Variants in JAKMIP3 observed in about 807,000 individuals in gnomAD.
JAKMIP3 encodes janus kinase and microtubule-interacting protein 3.
JAKMIP3 carries 58 observed loss-of-function variants against 118.5 expected under a neutral mutation model. The ratio of observed to expected loss-of-function variants is 0.49; its 90% CI spans 0.40 to 0.61. JAKMIP3 has a LOEUF of 0.61. Ranked by LOEUF, JAKMIP3 falls within the 20% of genes least tolerant of loss-of-function variation. JAKMIP3 has a pLI of 0.00. For missense variants in JAKMIP3, 950 were observed against 1,109.0 expected (o/e 0.86, Z 2.04); for synonymous variants, 486 against 451.2 (o/e 1.08, Z -0.98).
chr10:132,108,793 A>G (rs1004111446), intron 2 of JAKMIP3, among the ~76,000 whole-genome samples: 2 of 151,880 alleles, frequency 1.3e-5, no homozygotes, highest in African/African-American at 4.8e-5. Context: ...GCTTCAGCCC[A>G]GGAATTCGAG....
chr10:132,176,811 G>A (rs144084611), intron 23 of JAKMIP3, among the ~76,000 whole-genome samples: 3 of 151,816 alleles, frequency 2.0e-5, no homozygotes, highest in East Asian at 3.9e-4. Flanking sequence ...TGCTTGTTAC[G>A]AGTGCTGCTT....
Position 132,049,620 on chromosome 10 carries a change from T to A in JAKMIP3, c.-138+12882T>A, listed in dbSNP as rs761078297. 2.0e-5 allele frequency among the ~76,000 whole-genome samples: 3 copies of A among 152,060 alleles called. No homozygotes were observed. Among genetic ancestry groups the A allele is most frequent in the Non-Finnish European group, 4.4e-5 (3 of 68,022 alleles). On this transcript the variant is annotated intron_variant, in intron 1 of 23. Transcript: ENST00000657785. The surrounding 1 kb of genome is among the most constrained non-coding windows in gnomAD (Gnocchi z 4.3). ...TGCTGTTTGCGTGTGCCCGGTTCTG[T>A]TTGGATGTACAGGTTTCTTCTGCCT...
chr10:132,113,583 T>C (rs7906354), intron 2 of JAKMIP3, among the ~76,000 whole-genome samples: 30,215 of 152,238 alleles, frequency 0.2, 3,176 homozygotes, highest in East Asian at 0.29. Context: ...TGTTTGCTAA[T>C]AGAGGAATTC....
chr10:132,158,375 C>T lies in JAKMIP3; in HGVS notation c.2220+4385C>T, dbSNP rs553876524. 1.1e-4 allele frequency among the ~76,000 whole-genome samples: 17 copies of T among 152,280 alleles called. No homozygotes were observed. The East Asian group carries it at 3.1e-3, about 28-fold the overall frequency. On this transcript the variant is annotated intron_variant, in intron 19 of 23. Transcript: ENST00000684848. The stretch of plus-strand genomic sequence containing the variant: ...GTGATCAAACATCCCATGGACACCC[C>T]ATGGGATTAGAGATGTAGGTCTCCA...
Position 132,049,147 on chromosome 10 carries a change from A to C in JAKMIP3, c.-138+12409A>C, listed in dbSNP as rs2038026307. 6.6e-6 allele frequency among the ~76,000 whole-genome samples: 1 copy of C among 152,112 alleles called. No homozygotes were observed. The highest frequency in any genetic ancestry group is 2.4e-5 in the African/African-American group (1 of 41,410). Reference sequence around the variant, plus strand: ...TTTAGCTCTGAAATGGAATAGTTTCACCAGCATGTCTCAAAGTTGGTGGTC... The same window carrying C: ...TTTAGCTCTGAAATGGAATAGTTTCCCCAGCATGTCTCAAAGTTGGTGGTC... On this transcript the variant is annotated intron_variant, in intron 1 of 23. Coordinates refer to the JAKMIP3 transcript ENST00000657785. The surrounding 1 kb of genome is among the most constrained non-coding windows in gnomAD (Gnocchi z 4.3).
At chr10:132,077,733 C>G (rs4465303) in intron 1 of JAKMIP3, among the ~76,000 whole-genome samples, 117,419 of 152,132 alleles carry the variant, frequency 0.77, 46,643 homozygotes, top group East Asian at 1. Flanking sequence ...TCACTGCAAC[C>G]TCCACCTCCT....
intron 1 of JAKMIP3, among the ~76,000 whole-genome samples, chr10:132,040,476 A>G (rs941845495): frequency 1.3e-5 from 2 of 152,184 alleles, no homozygotes; most frequent in Non-Finnish European, 1.5e-5. Context: ...CCCCAGCCAC[A>G]CACAGAGTTT....
chr10:132,135,824 G>T, intron 5 of JAKMIP3, 106 bp from the exon 6 acceptor site: 1 of 1,228,378 alleles, frequency 8.1e-7, no homozygotes, highest in Non-Finnish European at 1.1e-6. Flanking sequence ...GAGGGCTGGG[G>T]ACTGCGTTGT....
In JAKMIP3 at chr10:132,104,789, C is replaced by G; in HGVS notation, c.-20C>G. 1.3e-6 allele frequency: 2 copies of G among 1,547,780 alleles called. No individual in the cohort carries two copies. Among genetic ancestry groups the G allele is most frequent in the Non-Finnish European group, 1.7e-6 (2 of 1,145,040 alleles). The stretch of plus-strand genomic sequence containing the variant: ...GGAGCACCCTACCCCTGGGCATCCC[C>G]CTGGCCATCCAGCCTCACCATGTCC... On this transcript the variant is annotated 5_prime_UTR_variant, in exon 2 of 24. Transcript: ENST00000684848.
intron 21 of JAKMIP3, among the ~76,000 whole-genome samples, chr10:132,165,024 TG>T (rs1442927290): frequency 6.6e-6 from 1 of 151,838 alleles, no homozygotes; most frequent in Non-Finnish European, 1.5e-5. Context: ...ACTCCTCTTG[TG>T]GCCTCAGTTT....
In JAKMIP3 at chr10:132,180,694, TGCGTGTGTGTGTGC is replaced by T. The variant is rs1389166223; in HGVS notation, c.*1104-1651_*1104-1638del. 5.9e-4 allele frequency among the ~76,000 whole-genome samples: 10 copies of T among 16,900 alleles called. 4 individuals are homozygous for T. The highest frequency in any genetic ancestry group is 1.8e-3 in the South Asian group (1 of 566). 11.1% of individuals were successfully genotyped at this position (16,900 alleles called of 152,430 possible). A position where few individuals can be genotyped will look rare whatever the true frequency, so the allele number is the denominator to read the frequency against. ...GTGTGTGCGCGCGCGTGTGTGTGCG[TGCGTGTGTGTGTGC>T]GCGTGTGTGTGCGTGTGTGTGCGTG... On this transcript the variant is annotated intron_variant, in intron 23 of 23. Coordinates refer to ENST00000684848, the MANE Select transcript of JAKMIP3 (RefSeq NM_001323087.2).
At chr10:132,144,010 TC>T (rs1264786850) in intron 11 of JAKMIP3, 1 of 152,278 alleles carries the variant, frequency 6.6e-6, no homozygotes, top group East Asian at 1.9e-4. Context: ...GACCAAGCAC[TC>T]GGGGGCGGGC....
At position 132,104,950 on chromosome 10, in the gene JAKMIP3, G is replaced by A. The variant is rs760414853; in HGVS notation, c.135+7G>A. The A allele has an allele frequency of 3.2e-5, 50 of 1,585,098 alleles. 1 individual carries two copies. Among genetic ancestry groups the A allele is most frequent in the South Asian group, 3.0e-4 (26 of 86,464 alleles). On this transcript the variant is annotated splice_region_variant and intron_variant, in intron 2 of 23. Coordinates refer to ENST00000684848, the MANE Select transcript of JAKMIP3 (RefSeq NM_001323087.2). ...GCAGCAGGAGAAGAGCAAGGTGGGC[G>A]CTCCCCAGACCTCCACCCTTGAATG...
At chr10:132,119,524 A>T (rs1378771031) in intron 3 of JAKMIP3, among the ~76,000 whole-genome samples, 4 of 152,128 alleles carry the variant, frequency 2.6e-5, no homozygotes, top group Non-Finnish European at 5.9e-5. Flanking sequence ...GCCAGATTGC[A>T]CCTGTTCTTA....
At chr10:132,180,767 G>A (rs1182866194) in intron 23 of JAKMIP3, among the ~76,000 whole-genome samples, 1 of 29,458 alleles carries the variant, frequency 3.4e-5, no homozygotes, top group African/African-American at 1.3e-4. Flanking sequence ...GTGCGTGTGT[G>A]TGCGTGTGTG....
At chr10:132,140,604 C>T (rs748125309) in intron 10 of JAKMIP3, 25 bp downstream of exon 10, 16 of 1,351,330 alleles carry the variant, frequency 1.2e-5, no homozygotes, top group African/African-American at 1.8e-5. Context: ...CTGCCGGGTC[C>T]TGGGCTTGGA....
At chr10:132,146,295 C>G (rs1409068306) in intron 13 of JAKMIP3, among the ~76,000 whole-genome samples, 1 of 152,092 alleles carries the variant, frequency 6.6e-6, no homozygotes, top group Admixed American at 6.5e-5. Context: ...TCGGCACCTC[C>G]CACCACATCA....
At chr10:132,077,427 A>G (rs935380245) in intron 1 of JAKMIP3, among the ~76,000 whole-genome samples, 1 of 152,154 alleles carries the variant, frequency 6.6e-6, no homozygotes, top group African/African-American at 2.4e-5. Flanking sequence ...ACTGGGCCAC[A>G]GGGGGCCCGA....
intron 1 of JAKMIP3, among the ~76,000 whole-genome samples, chr10:132,072,684 T>G (rs2040150764): frequency 6.6e-6 from 1 of 152,268 alleles, no homozygotes; most frequent in South Asian, 2.1e-4. Flanking sequence ...TCTTCTTGCC[T>G]TCTTTGTATT....
Sources: gnomAD v4.1 joint callset for allele counts (sites outside exome capture counted in the v4.1 genomes callset) on GRCh38, gnomAD v4.1.1 for gene constraint, Gnocchi (gnomAD v3.1) non-coding constraint, MANE v1.5 for transcripts, NCBI Gene and HGNC (gene_info 2026-07-23, HGNC 2026-07-21) for gene names.